The following ADCY8 variants were observed in gnomAD, a reference collection of about 807,000 sequenced individuals.
ADCY8 encodes adenylate cyclase type 8.
In ADCY8, 51 loss-of-function variants were observed where a neutral mutation model predicts 119.7. The ratio of observed to expected loss-of-function variants is 0.43; its 90% confidence interval spans 0.34 to 0.54. ADCY8 has a LOEUF of 0.54. ADCY8 is among the 20% of genes least tolerant of loss of function. The probability of loss-of-function intolerance (pLI) is 0.03; values close to 1 mark genes in which losing one functional copy is unlikely to be tolerated. For synonymous variants in ADCY8, 665 were observed against 651.0 expected, an observed-to-expected ratio of 1.02 and a Z score of -0.33; for missense variants, 1,383 against 1,598.8, an observed-to-expected ratio of 0.87 and a Z score of 2.30.
chr8:131,018,000 A>T (rs1031540397), intron 1 of ADCY8, among the ~76,000 whole-genome samples: 1 of 152,182 alleles, frequency 6.6e-6, no homozygotes, highest in Non-Finnish European at 1.5e-5. Context: ...GAGTATAAAC[A>T]TTTTATGTTT....
intron 12 of ADCY8, among the ~76,000 whole-genome samples, chr8:130,835,543 C>T (rs1816959849): frequency 6.6e-6 from 1 of 152,132 alleles, no homozygotes; most frequent in Non-Finnish European, 1.5e-5. Flanking sequence ...GTTTCATTAG[C>T]CTTGCCTTGG....
Position 130,977,933 on chromosome 8 carries a change from T to C in ADCY8, c.1110+12460A>G, listed in dbSNP as rs571912669. On this transcript the variant is annotated intron_variant, in intron 2 of 17. Transcript: ENST00000286355. ...CTTTTCCATGATTCCATCTAATCTA[T>C]TGTGAAATATCTTCCACTACTCATT... is the stretch of plus-strand genomic sequence containing the variant. Among the ~76,000 whole-genome samples, 44 of 152,342 alleles carry C rather than the reference T, an allele frequency of 2.9e-4. 1 individual carries two copies. Among genetic ancestry groups the C allele is most frequent in the Non-Finnish European group, 5.3e-4 (36 of 68,044 alleles).
intron 14 of ADCY8, among the ~76,000 whole-genome samples, chr8:130,802,662 G>T (rs1815818382): frequency 1.3e-5 from 2 of 152,218 alleles, no homozygotes; most frequent in South Asian, 2.1e-4. Flanking sequence ...GGAAGCATTT[G>T]TACTTCTGTG....
At chr8:130,947,548 C>T (rs1821140901) in intron 3 of ADCY8, among the ~76,000 whole-genome samples, 1 of 152,156 alleles carries the variant, frequency 6.6e-6, no homozygotes, top group African/African-American at 2.4e-5. Context: ...TTGCATTTTG[C>T]TTGTTCGTGA....
intron 7 of ADCY8, among the ~76,000 whole-genome samples, chr8:130,886,471 G>A (rs1237987627): frequency 6.6e-6 from 1 of 152,114 alleles, no homozygotes. Flanking sequence ...AATGCTATTA[G>A]TGCAGCATCC....
intron 5 of ADCY8, among the ~76,000 whole-genome samples, chr8:130,917,793 T>TGTGTG: frequency 7.5e-6 from 1 of 133,600 alleles, no homozygotes; most frequent in Admixed American, 7.3e-5. Context: ...GTGTGTGTGT[T>TGTGTG]GGGGGTGAAA....
chr8:130,799,733 A>G (rs1815707760), intron 15 of ADCY8, among the ~76,000 whole-genome samples: 2 of 152,206 alleles, frequency 1.3e-5, no homozygotes, highest in Admixed American at 6.5e-5. Flanking sequence ...AGACAGTTGT[A>G]CCATTTATGT....
chr8:130,830,627 G>A (rs1284374937), intron 12 of ADCY8, among the ~76,000 whole-genome samples: 1 of 152,106 alleles, frequency 6.6e-6, no homozygotes, highest in Non-Finnish European at 1.5e-5. Context: ...CTGGCATGAG[G>A]TGATGAACCT....
chr8:130,904,476 G>A lies in ADCY8; in HGVS notation c.1641-434C>T, dbSNP rs565497745. The stretch of plus-strand genomic sequence containing the variant: ...ACCATGCAAAAACAGTTCTTTCTTC[G>A]TCTTGGAACCTGTCCTATCATTTCA... On this transcript the variant is annotated intron_variant, in intron 6 of 17. Transcript: ENST00000286355. Among the ~76,000 whole-genome samples the A allele has an allele frequency of 3.5e-4, 54 of 152,166 alleles. No individual in the cohort carries two copies. The South Asian group carries it at 7.3e-3, about 20-fold the overall frequency.
chr8:130,966,140 G>A (rs1476397239), intron 2 of ADCY8, among the ~76,000 whole-genome samples: 1 of 152,144 alleles, frequency 6.6e-6, no homozygotes, highest in East Asian at 1.9e-4. Context: ...TGGACTTTGG[G>A]AACAAAAGAG....
At chr8:130,906,374 C>T (rs1819786011) in intron 6 of ADCY8, among the ~76,000 whole-genome samples, 1 of 152,192 alleles carries the variant, frequency 6.6e-6, no homozygotes, top group African/African-American at 2.4e-5. Flanking sequence ...AATTAAGTTA[C>T]ATATCAACCC....
chr8:131,013,647 G>A (rs963791923), intron 1 of ADCY8, among the ~76,000 whole-genome samples: 1 of 152,162 alleles, frequency 6.6e-6, no homozygotes, highest in African/African-American at 2.4e-5. Context: ...GAAGTTTTTG[G>A]TGTGAGCATG....
intron 3 of ADCY8, among the ~76,000 whole-genome samples, chr8:130,946,140 C>A (rs1247085951): frequency 1.3e-5 from 2 of 152,190 alleles, no homozygotes; most frequent in Non-Finnish European, 2.9e-5. Flanking sequence ...CTGTCTATGG[C>A]AAGAATGGTT....
intron 11 of ADCY8, among the ~76,000 whole-genome samples, chr8:130,846,238 A>G (rs905311929): frequency 2.6e-5 from 4 of 152,076 alleles, no homozygotes; most frequent in African/African-American, 9.7e-5. Context: ...GTCTGCTGGG[A>G]CATGTTAACT....
At chr8:130,786,909 T>C (rs995349561) in intron 15 of ADCY8, among the ~76,000 whole-genome samples, 1 of 151,912 alleles carries the variant, frequency 6.6e-6, no homozygotes, top group Admixed American at 6.6e-5. Context: ...TTTGTGTGTG[T>C]TGGGGAAGCT....
intron 7 of ADCY8, among the ~76,000 whole-genome samples, chr8:130,901,242 CTTT>C (rs34424673): frequency 6.1e-5 from 7 of 115,572 alleles, no homozygotes; most frequent in Non-Finnish European, 8.6e-5. Flanking sequence ...CATCCCTCCT[CTTT>C]TTTTTTTTTT....
intron 7 of ADCY8, chr8:130,892,771 C>A (rs1298562742): frequency 6.6e-6 from 1 of 152,232 alleles, no homozygotes; most frequent in Admixed American, 6.6e-5. Flanking sequence ...TCTCCAGGTT[C>A]AACCACAATT....
intron 2 of ADCY8, among the ~76,000 whole-genome samples, chr8:130,968,866 A>G (rs1476219811): frequency 1.3e-5 from 2 of 152,202 alleles, no homozygotes; most frequent in Non-Finnish European, 2.9e-5. Flanking sequence ...AAGACATTAG[A>G]CACTGAATCT....
At chr8:131,017,380 T>C (rs1404829342) in intron 1 of ADCY8, among the ~76,000 whole-genome samples, 7 of 152,146 alleles carry the variant, frequency 4.6e-5, no homozygotes, top group South Asian at 2.1e-4. Flanking sequence ...GGAATGTCCA[T>C]GATTCTAAAG....
Sources: allele counts gnomAD v4.1 joint callset (sites outside exome capture counted in the v4.1 genomes callset), GRCh38; gene constraint gnomAD v4.1.1; transcripts MANE v1.5; gene names NCBI Gene and HGNC (gene_info 2026-07-23, HGNC 2026-07-21).